PARD3B: variants seen among roughly 807,000 people sequenced by gnomAD.
PARD3B encodes the protein par-3 family cell polarity regulator beta, also known as partitioning defective 3 homolog B.
Under a neutral mutation model 130.2 loss-of-function variants are expected in PARD3B, and 103 were observed. The observed-to-expected ratio is 0.79, with a 90% CI of 0.67 to 0.93. The LOEUF (loss-of-function observed/expected upper bound fraction) is 0.93, where lower values mean the gene tolerates loss of function less well. PARD3B is among the 40% of genes least tolerant of loss of function. PARD3B has a pLI of 0.00. For synonymous variants in PARD3B, 583 were observed against 553.2 expected, an observed-to-expected ratio of 1.05 and a Z score of -0.76; for missense variants, 1,609 against 1,499.2, an observed-to-expected ratio of 1.07 and a Z score of -1.21.
chr2:205,609,234 A>G (rs182218662), intron 22 of PARD3B, among the ~76,000 whole-genome samples: 25 of 152,394 alleles, frequency 1.6e-4, no homozygotes, highest in Admixed American at 9.8e-4. Context: ...TTCTAAGCAC[A>G]GACTAAAAGC....
intron 16 of PARD3B, among the ~76,000 whole-genome samples, chr2:205,261,699 G>C (rs953761191): frequency 6.6e-6 from 1 of 152,128 alleles, no homozygotes; most frequent in Non-Finnish European, 1.5e-5. Flanking sequence ...TTATTACTCT[G>C]TCTAGAGATT....
chr2:205,108,644 C>CCG (rs1703404588), intron 5 of PARD3B, among the ~76,000 whole-genome samples: 1 of 152,122 alleles, frequency 6.6e-6, no homozygotes, highest in Admixed American at 6.5e-5. Context: ...GATGGAAGAC[C>CCG]CGTTTGTCCT....
intron 18 of PARD3B, among the ~76,000 whole-genome samples, chr2:205,370,259 T>G (rs1222786049): frequency 6.6e-6 from 1 of 152,182 alleles, no homozygotes; most frequent in African/African-American, 2.4e-5. Context: ...GGCAACCAAG[T>G]TTTTTATTTC....
intron 18 of PARD3B, among the ~76,000 whole-genome samples, chr2:205,328,325 A>T (rs1253066496): frequency 6.6e-6 from 1 of 152,148 alleles, no homozygotes; most frequent in African/African-American, 2.4e-5. Context: ...AGATGTTGCT[A>T]ATGTTATGGT....
rs147106036 is a variant in PARD3B at position 204,728,783 on chromosome 2, G to C, written c.222+42501G>C. On this transcript the variant is annotated intron_variant, in intron 2 of 22. Coordinates refer to ENST00000406610, the MANE Select transcript of PARD3B (RefSeq NM_001302769.2). ...GAAGTTTATCTTAATCCACTCCTGT[G>C]ATCTTTCTGCTTTTTCAGTTGTCTT... 9.2e-5 allele frequency among the ~76,000 whole-genome samples: 14 copies of C among 152,282 alleles called. No individual in the cohort carries two copies. The East Asian group carries it at 2.7e-3, about 29-fold the overall frequency.
At chr2:205,024,204 G>A in intron 3 of PARD3B, among the ~76,000 whole-genome samples, 1 of 108,648 alleles carries the variant, frequency 9.2e-6, no homozygotes, top group South Asian at 3.2e-4. Context: ...CCTCACTTCT[G>A]TCGCCCAGGC....
At chr2:204,830,994 T>A (rs2125566345) in intron 2 of PARD3B, among the ~76,000 whole-genome samples, 1 of 152,382 alleles carries the variant, frequency 6.6e-6, no homozygotes, top group South Asian at 2.1e-4. Context: ...TATAAAATGA[T>A]ATCTCCTTTT....
At chr2:205,486,270 G>A (rs1197434622) in intron 20 of PARD3B, among the ~76,000 whole-genome samples, 1 of 152,130 alleles carries the variant, frequency 6.6e-6, no homozygotes, top group Non-Finnish European at 1.5e-5. Context: ...CATAGGAGAT[G>A]GTAATGTCAG....
chr2:204,681,234 A>G (rs1003440766), intron 1 of PARD3B, among the ~76,000 whole-genome samples: 3 of 152,170 alleles, frequency 2.0e-5, no homozygotes, highest in African/African-American at 7.2e-5. Flanking sequence ...TAGGATTAGT[A>G]TGGCCATACC....
In PARD3B at chr2:205,318,625, G is replaced by A. The variant is rs370600724; in HGVS notation, c.2630+16924G>A. Among the ~76,000 whole-genome samples the A allele has an allele frequency of 3.9e-5, 6 of 152,050 alleles. No individual in the cohort carries two copies. In the East Asian group the frequency reaches 5.8e-4, roughly 15 times the overall value. Reference sequence around the variant, plus strand: ...GGAGAAACTCACAGAAAACTAAAGGGTAATCCCTTTAGCATTTAACATTTA... The same window carrying A: ...GGAGAAACTCACAGAAAACTAAAGGATAATCCCTTTAGCATTTAACATTTA... On this transcript the variant is annotated intron_variant, in intron 18 of 22. Transcript: ENST00000406610.
At chr2:205,567,860 G>A (rs923905740) in intron 22 of PARD3B, among the ~76,000 whole-genome samples, 2 of 152,052 alleles carry the variant, frequency 1.3e-5, no homozygotes, top group Admixed American at 1.3e-4. Flanking sequence ...AGCCAGTACA[G>A]AGCACATTAA....
chr2:205,418,072 A>C (rs537509830), intron 19 of PARD3B, among the ~76,000 whole-genome samples: 58 of 152,222 alleles, frequency 3.8e-4, no homozygotes, highest in Non-Finnish European at 6.2e-4. Context: ...CTTCAGTGGA[A>C]TAGTTCCCAA....
At chr2:204,739,116 T>G (rs918610107) in intron 2 of PARD3B, among the ~76,000 whole-genome samples, 8 of 152,242 alleles carry the variant, frequency 5.3e-5, no homozygotes, top group Non-Finnish European at 1.0e-4. Flanking sequence ...GTTAGTTCTC[T>G]GTGCTTTATC....
chr2:204,908,941 G>T (rs1218537280), intron 2 of PARD3B, among the ~76,000 whole-genome samples: 2 of 152,050 alleles, frequency 1.3e-5, no homozygotes, highest in Non-Finnish European at 2.9e-5. Context: ...AGACCTTAAG[G>T]CCCATATAAA....
intron 20 of PARD3B, among the ~76,000 whole-genome samples, chr2:205,478,193 C>T (rs899797134): frequency 6.6e-6 from 1 of 152,162 alleles, no homozygotes; most frequent in Non-Finnish European, 1.5e-5. Context: ...AGAGTAAAGC[C>T]TTGAAGTAAA....
chr2:204,654,497 G>C (rs926371238), intron 1 of PARD3B, among the ~76,000 whole-genome samples: 2 of 145,126 alleles, frequency 1.4e-5, no homozygotes, highest in Non-Finnish European at 2.9e-5. Flanking sequence ...GTGATGTTGG[G>C]TTTTTCTGCC....
At chr2:205,418,353 A>G (rs55762703) in intron 19 of PARD3B, among the ~76,000 whole-genome samples, 4,226 of 152,250 alleles carry the variant, frequency 0.028, 206 homozygotes, top group African/African-American at 0.095. Flanking sequence ...TTAATTGAGC[A>G]TCTAGGCACA....
intron 1 of PARD3B, among the ~76,000 whole-genome samples, chr2:204,563,057 A>G (rs2031420605): frequency 6.6e-6 from 1 of 152,158 alleles, no homozygotes; most frequent in Non-Finnish European, 1.5e-5. Context: ...TAAAGTCTGT[A>G]GATTCAAATT....
chr2:204,826,680 A>G (rs1296864744), intron 2 of PARD3B, among the ~76,000 whole-genome samples: 1 of 152,188 alleles, frequency 6.6e-6, no homozygotes, highest in Non-Finnish European at 1.5e-5. Flanking sequence ...ATATGTGAAA[A>G]CAAAAAGTAG....
Sources: gnomAD v4.1 joint callset for allele counts (sites outside exome capture counted in the v4.1 genomes callset) on GRCh38, gnomAD v4.1.1 for gene constraint, MANE v1.5 for transcripts, NCBI Gene and HGNC (gene_info 2026-07-23, HGNC 2026-07-21) for gene names.